The following ZCWPW2 variants were observed in gnomAD, a reference collection of about 807,000 sequenced individuals.
ZCWPW2 encodes zinc finger CW-type PWWP domain protein 2.
A neutral mutation model predicts 46.6 loss-of-function variants in ZCWPW2; 45 were observed. The ratio of observed to expected loss-of-function variants is 0.96; its 90% confidence interval spans 0.76 to 1.24. The LOEUF is 1.24. ZCWPW2 is among the 50% of genes most tolerant of loss of function. ZCWPW2 has a pLI of 0.00. For missense variants in ZCWPW2, 429 were observed against 403.9 expected, an observed-to-expected ratio of 1.06 and a Z score of -0.53; for synonymous variants, 152 against 137.1, an observed-to-expected ratio of 1.11 and a Z score of -0.76.
intron 9 of ZCWPW2, among the ~76,000 whole-genome samples, 153 bp from the exon 10 acceptor site, chr3:28,524,374 G>C (rs573801748): frequency 1.3e-5 from 2 of 152,084 alleles, no homozygotes; most frequent in East Asian, 3.9e-4. Context: ...CATTCATCCT[G>C]CATTATACTA....
intron 6 of ZCWPW2, among the ~76,000 whole-genome samples, chr3:28,508,563 G>A (rs981581065): frequency 3.9e-5 from 6 of 151,914 alleles, no homozygotes; most frequent in African/African-American, 1.5e-4. Context: ...CATCACCCAG[G>A]CTGTAGTGCA....
At position 28,390,630 on chromosome 3, in the gene ZCWPW2, G is replaced by A; in HGVS notation, c.-14+13G>A. The A allele has an allele frequency of 1.0e-6, 1 of 985,340 alleles. No individual in the cohort carries two copies. The highest frequency in any genetic ancestry group is 1.2e-6 in the Non-Finnish European group (1 of 829,914). The allele number at this position is 985,340 out of a possible 1,614,324, so 61.0% of individuals were successfully genotyped here. On this transcript the variant is annotated intron_variant, in intron 2 of 9. Transcript: ENST00000383768. ...AAAGTCTAACTCCGTAAGTACTTGA[G>A]AAACTCCAAAATGTTTTTCTCTAGT...
intron 6 of ZCWPW2, among the ~76,000 whole-genome samples, chr3:28,507,476 A>G (rs754675696): frequency 3.3e-5 from 5 of 152,032 alleles, no homozygotes; most frequent in Non-Finnish European, 7.4e-5. Context: ...TCAGTGATTT[A>G]GACTTATCAA....
At chr3:28,462,138 G>A (rs1698663476) in intron 4 of ZCWPW2, among the ~76,000 whole-genome samples, 1 of 152,146 alleles carries the variant, frequency 6.6e-6, no homozygotes, top group Non-Finnish European at 1.5e-5. Context: ...AGGGCAGACT[G>A]GGAACACAAA....
At chr3:28,508,610 C>A (rs750475975) in intron 6 of ZCWPW2, among the ~76,000 whole-genome samples, 2 of 152,208 alleles carry the variant, frequency 1.3e-5, no homozygotes, top group Middle Eastern at 3.4e-3. Context: ...CTACACCTCC[C>A]GGGTTCAAGC....
In ZCWPW2 at chr3:28,349,064, G is replaced by T; in HGVS notation, c.-273G>T. 1 of 985,820 alleles carries T rather than the reference G, an allele frequency of 1.0e-6. No homozygotes were observed. Among genetic ancestry groups the T allele is most frequent in the Non-Finnish European group, 1.2e-6 (1 of 830,198 alleles). 61.1% of individuals were successfully genotyped at this position (985,820 alleles called of 1,614,324 possible). On this transcript the variant is annotated 5_prime_UTR_variant, in exon 1 of 10. Coordinates refer to ENST00000383768, the MANE Select transcript of ZCWPW2 (RefSeq NM_001040432.4). ...AAGTCAGGCCCGAGGGAGCTGGGAGGGCGTTAGCGAAGCCAGGTTCGGTCG... is the reference window on the plus strand; with the variant it reads ...AAGTCAGGCCCGAGGGAGCTGGGAGTGCGTTAGCGAAGCCAGGTTCGGTCG...
chr3:28,452,827 G>A (rs1404074236), intron 4 of ZCWPW2, among the ~76,000 whole-genome samples: 1 of 152,100 alleles, frequency 6.6e-6, no homozygotes, highest in East Asian at 1.9e-4. Flanking sequence ...AAGATGCTGA[G>A]AACAATAAGG....
intron 5 of ZCWPW2, among the ~76,000 whole-genome samples, chr3:28,482,811 T>A (rs1457151027): frequency 6.6e-6 from 1 of 152,202 alleles, no homozygotes; most frequent in East Asian, 1.9e-4. Context: ...TGGTGAGTTG[T>A]TTTCTGAGAT....
At chr3:28,349,576 G>T (rs139399723) in intron 1 of ZCWPW2, among the ~76,000 whole-genome samples, 144 of 152,248 alleles carry the variant, frequency 9.5e-4, no homozygotes, top group African/African-American at 3.2e-3. Context: ...CTGGAGTTGC[G>T]CCCGGCTTCC....
intron 5 of ZCWPW2, among the ~76,000 whole-genome samples, chr3:28,485,414 C>G (rs563208224): frequency 6.6e-5 from 10 of 152,156 alleles, no homozygotes; most frequent in African/African-American, 2.2e-4. Flanking sequence ...CAAATATATC[C>G]AGTTGATTGA....
Position 28,460,252 on chromosome 3 carries a change from C to G in ZCWPW2, c.493-18562C>G, listed in dbSNP as rs369090528. 2.6e-4 allele frequency among the ~76,000 whole-genome samples: 32 copies of G among 125,424 alleles called. 1 individual carries two copies. In the East Asian group the frequency reaches 5.9e-3, roughly 23 times the overall value. The allele number at this position is 125,424 out of a possible 152,430, so 82.3% of individuals were successfully genotyped here. Reference sequence around the variant, plus strand: ...AGGGGTCACACTAAACAGAGCTAGACTTTTTTTTTTTTTTTTTTAGCTTTA... The same window carrying G: ...AGGGGTCACACTAAACAGAGCTAGAGTTTTTTTTTTTTTTTTTTAGCTTTA... On this transcript the variant is annotated intron_variant, in intron 4 of 9. Coordinates refer to ENST00000383768, the MANE Select transcript of ZCWPW2 (RefSeq NM_001040432.4).
intron 2 of ZCWPW2, among the ~76,000 whole-genome samples, chr3:28,411,799 T>C (rs886789937): frequency 2.6e-5 from 4 of 152,102 alleles, no homozygotes; most frequent in Admixed American, 6.6e-5. Context: ...AAAACAAATA[T>C]CATTAGTAAA....
intron 3 of ZCWPW2, among the ~76,000 whole-genome samples, chr3:28,424,133 C>T (rs1696907804): frequency 6.6e-6 from 1 of 151,938 alleles, no homozygotes; most frequent in African/African-American, 2.4e-5. Context: ...GCTGTATATT[C>T]TGGCTCACTA....
chr3:28,479,718 C>A (rs971200770), intron 5 of ZCWPW2, among the ~76,000 whole-genome samples: 3 of 152,160 alleles, frequency 2.0e-5, no homozygotes, highest in African/African-American at 7.2e-5. Context: ...TTGTTCTTCT[C>A]TATGTGCCCA....
intron 2 of ZCWPW2, among the ~76,000 whole-genome samples, chr3:28,396,645 G>A (rs1308766362): frequency 1.3e-5 from 2 of 152,144 alleles, no homozygotes; most frequent in Non-Finnish European, 2.9e-5. Context: ...TGCATAATCT[G>A]TGATAGCCTG....
intron 4 of ZCWPW2, among the ~76,000 whole-genome samples, chr3:28,473,127 G>A (rs1699100291): frequency 6.6e-6 from 1 of 152,146 alleles, no homozygotes; most frequent in African/African-American, 2.4e-5. Flanking sequence ...GTACAGCGTT[G>A]GTGGGAATAT....
intron 5 of ZCWPW2, among the ~76,000 whole-genome samples, chr3:28,483,991 T>C (rs191467272): frequency 6.6e-6 from 1 of 152,138 alleles, no homozygotes; most frequent in African/African-American, 2.4e-5. Flanking sequence ...TCTTACTGCG[T>C]TATCTAGGCA....
chr3:28,406,932 A>G (rs755965946), intron 2 of ZCWPW2, among the ~76,000 whole-genome samples: 1 of 151,516 alleles, frequency 6.6e-6, no homozygotes, highest in Non-Finnish European at 1.5e-5. Context: ...AGCTGAAGCA[A>G]TCCTCATGCC....
intron 2 of ZCWPW2, among the ~76,000 whole-genome samples, chr3:28,407,580 G>T (rs1194903230): frequency 6.6e-6 from 1 of 152,124 alleles, no homozygotes; most frequent in Non-Finnish European, 1.5e-5. Context: ...TAACTAATTT[G>T]CCTAGTAAAG....
Sources: gnomAD v4.1 joint callset for allele counts (sites outside exome capture counted in the v4.1 genomes callset) on GRCh38, gnomAD v4.1.1 for gene constraint, MANE v1.5 for transcripts, NCBI Gene and HGNC (gene_info 2026-07-23, HGNC 2026-07-21) for gene names.